CACNA2D1: variants seen among roughly 807,000 people sequenced by gnomAD.
CACNA2D1 encodes calcium voltage-gated channel auxiliary subunit alpha2delta 1.
A neutral mutation model predicts 171.5 loss-of-function variants in CACNA2D1; 53 were observed. The ratio of observed to expected loss-of-function variants is 0.31; its 90% confidence interval spans 0.25 to 0.39. CACNA2D1 has a LOEUF of 0.39. CACNA2D1 is among the 10% of genes least tolerant of loss of function. The pLI is 1.00. For synonymous variants in CACNA2D1, 442 were observed against 443.1 expected (o/e 1.00, Z 0.03); for missense variants, 903 against 1,299.8 (o/e 0.69, Z 4.69).
chr7:82,196,160 T>A (rs536722588), intron 3 of CACNA2D1, among the ~76,000 whole-genome samples: 22 of 152,186 alleles, frequency 1.4e-4, no homozygotes, highest in African/African-American at 5.1e-4. Context: ...AGTAGAAGAT[T>A]AGCTAAGGTT....
intron 38 of CACNA2D1, among the ~76,000 whole-genome samples, chr7:81,957,242 G>A (rs1793506265): frequency 1.3e-5 from 2 of 151,982 alleles, no homozygotes; most frequent in Admixed American, 1.3e-4. Flanking sequence ...AAAACTTTAT[G>A]AAAAATGATT....
chr7:82,385,221 C>A lies in CACNA2D1; in HGVS notation c.96-35572G>T, dbSNP rs546192629. Among the ~76,000 whole-genome samples, 9 of 152,320 alleles carry A rather than the reference C, an allele frequency of 5.9e-5. No individual in the cohort carries two copies. In the East Asian group the frequency reaches 1.7e-3, roughly 29 times the overall value. The stretch of plus-strand genomic sequence containing the variant: ...CCCTGCTACTGGCCATCCAAAGAGG[C>A]CGGAATCTTCACTCCCACTGCTGGA... On this transcript the variant is annotated intron_variant, in intron 1 of 38. Coordinates refer to ENST00000356860, the MANE Select transcript of CACNA2D1 (RefSeq NM_000722.4).
chr7:81,959,733 T>C lies in CACNA2D1; in HGVS notation c.3063A>G (p.Gln1021=), dbSNP rs781386587. The C allele has an allele frequency of 3.1e-6, 5 of 1,612,566 alleles. No individual in the cohort carries two copies. Among genetic ancestry groups the C allele is most frequent in the Middle Eastern group, 1.7e-4 (1 of 6,052 alleles). Residue 1021 remains glutamine, a synonymous_variant, in exon 37 of 39, where the codon CAA becomes CAG. Transcript: ENST00000356860. ...TCPCDTRLLI[Q]AEQTSDGPNP... Reference sequence around the variant, plus strand: ...GTCAAAGGATACAAGTCTGCTCCGCTTGTATGAGCAGTCGTGTGTCACATG... The same window carrying C: ...GTCAAAGGATACAAGTCTGCTCCGCCTGTATGAGCAGTCGTGTGTCACATG...
chr7:82,013,636 A>G (rs1800066772), intron 13 of CACNA2D1, 126 bp from the exon 14 acceptor site: 1 of 266,186 alleles, frequency 3.8e-6, no homozygotes, highest in African/African-American at 2.3e-5. Flanking sequence ...TTCAAAACTG[A>G]GCTAATACTG....
In CACNA2D1 at chr7:82,111,445, T is replaced by TATATATATATA. The variant is rs370516065; in HGVS notation, c.526+5598_526+5599insTATATATATAT. 9.8e-3 allele frequency among the ~76,000 whole-genome samples: 483 copies of TATATATATATA among 49,054 alleles called. 15 individuals are homozygous for TATATATATATA. Among genetic ancestry groups the TATATATATATA allele is most frequent in the African/African-American group, 0.033 (448 of 13,412 alleles). The allele number at this position is 49,054 out of a possible 152,430, so 32.2% of individuals were successfully genotyped here. ...ATATGTGTGTATATATATATATATA[T>TATATATATATA]TTTTTTTTTTTTTTTTTTTTGAGAC... On this transcript the variant is annotated intron_variant, in intron 6 of 38. Transcript: ENST00000356860.
intron 2 of CACNA2D1, among the ~76,000 whole-genome samples, chr7:82,346,315 G>A (rs1232502006): frequency 6.6e-6 from 1 of 152,102 alleles, no homozygotes; most frequent in East Asian, 1.9e-4. Context: ...CAAGTAATAT[G>A]ACAAATGAAT....
At chr7:82,211,722 C>G (rs538471680) in intron 3 of CACNA2D1, among the ~76,000 whole-genome samples, 4 of 152,182 alleles carry the variant, frequency 2.6e-5, no homozygotes, top group African/African-American at 9.6e-5. Flanking sequence ...TGGTTGTATA[C>G]CCAGTAATGA....
At chr7:82,230,311 A>G (rs1318978168) in intron 3 of CACNA2D1, among the ~76,000 whole-genome samples, 2 of 152,316 alleles carry the variant, frequency 1.3e-5, no homozygotes, top group Non-Finnish European at 2.9e-5. Flanking sequence ...CTTTCATTCA[A>G]TGTTATGTTT....
intron 7 of CACNA2D1, among the ~76,000 whole-genome samples, chr7:82,079,198 C>G (rs1809377333): frequency 6.6e-6 from 1 of 152,156 alleles, no homozygotes; most frequent in Non-Finnish European, 1.5e-5. Flanking sequence ...TCCCCTACAT[C>G]TGGGCAATAT....
At chr7:82,297,014 C>T (rs978049180) in intron 3 of CACNA2D1, among the ~76,000 whole-genome samples, 26 of 139,944 alleles carry the variant, frequency 1.9e-4, no homozygotes, top group African/African-American at 6.9e-4. Context: ...GTGGGAAGAT[C>T]GCTTAAGTCC....
chr7:82,009,483 T>G (rs1799497536), intron 15 of CACNA2D1, among the ~76,000 whole-genome samples: 1 of 152,126 alleles, frequency 6.6e-6, no homozygotes, highest in Non-Finnish European at 1.5e-5. Flanking sequence ...TTCGTAAAAC[T>G]GGTATCCAAA....
intron 26 of CACNA2D1, chr7:81,970,971 T>C (rs1336876289): frequency 5.9e-6 from 3 of 506,536 alleles, no homozygotes; most frequent in South Asian, 2.1e-5. Flanking sequence ...GGAGTATGAA[T>C]TGACAGCAAT....
chr7:81,960,121 T>C (rs1793933424), intron 36 of CACNA2D1, among the ~76,000 whole-genome samples: 1 of 152,064 alleles, frequency 6.6e-6, no homozygotes, highest in Non-Finnish European at 1.5e-5. Context: ...TTGATGTACA[T>C]AGAAAAAAGT....
At chr7:82,104,164 A>G (rs1490523155) in intron 6 of CACNA2D1, among the ~76,000 whole-genome samples, 1 of 152,038 alleles carries the variant, frequency 6.6e-6, no homozygotes, top group Non-Finnish European at 1.5e-5. Flanking sequence ...TTAATTGTAT[A>G]ATTCATCACG....
chr7:82,296,458 C>A (rs777922274), intron 3 of CACNA2D1, among the ~76,000 whole-genome samples: 1 of 152,106 alleles, frequency 6.6e-6, no homozygotes, highest in Non-Finnish European at 1.5e-5. Flanking sequence ...AATTAATTAG[C>A]AGAAAGACAC....
chr7:82,125,669 G>A (rs144053115), intron 5 of CACNA2D1, among the ~76,000 whole-genome samples: 152 of 152,190 alleles, frequency 1.0e-3, no homozygotes, highest in African/African-American at 3.5e-3. Context: ...CTTGAGGCAG[G>A]AGTTTGAGGC....
chr7:82,085,951 A>G (rs1238745501), intron 6 of CACNA2D1, among the ~76,000 whole-genome samples: 2 of 152,166 alleles, frequency 1.3e-5, no homozygotes, highest in East Asian at 3.9e-4. Context: ...AGCATACTAA[A>G]AATTTAATTG....
In CACNA2D1 at chr7:82,050,043, G is replaced by A. The variant is rs117244653; in HGVS notation, c.879+10385C>T. 3.0e-3 allele frequency among the ~76,000 whole-genome samples: 452 copies of A among 152,246 alleles called. 3 individuals are homozygous for A. The highest frequency in any genetic ancestry group is 0.018 in the East Asian group (95 of 5,170). ...TACTCATTTTCATAGGCTGAGTAGC[G>A]AAGTTCCTTATCTAAAAAAGCCAAC... is the stretch of plus-strand genomic sequence containing the variant. On this transcript the variant is annotated intron_variant, in intron 10 of 38. Coordinates refer to ENST00000356860, the MANE Select transcript of CACNA2D1 (RefSeq NM_000722.4).
chr7:82,156,292 C>A (rs1323064886), intron 4 of CACNA2D1, among the ~76,000 whole-genome samples: 1 of 152,054 alleles, frequency 6.6e-6, no homozygotes, highest in African/African-American at 2.4e-5. Flanking sequence ...TTGTTGACTT[C>A]TCTTTACTCT....
Sources: gnomAD v4.1 joint callset for allele counts (sites outside exome capture counted in the v4.1 genomes callset) on GRCh38, gnomAD v4.1.1 for gene constraint, MANE v1.5 for transcripts, NCBI Gene and HGNC (gene_info 2026-07-23, HGNC 2026-07-21) for gene names.